Variants in TGFB2 observed in about 807,000 individuals in gnomAD.
TGFB2 encodes transforming growth factor beta 2, also known as transforming growth factor beta-2 proprotein.
A neutral mutation model predicts 42.7 loss-of-function variants in TGFB2; 13 were observed. The observed-to-expected ratio is 0.30, with a 90% CI of 0.20 to 0.48. The LOEUF (loss-of-function observed/expected upper bound fraction) is 0.48. TGFB2 is among the 20% of genes least tolerant of loss of function. TGFB2 has a pLI of 0.99. For synonymous variants in TGFB2, 193 were observed against 193.6 expected (o/e 1.00, Z 0.03); for missense variants, 390 against 517.5 (o/e 0.75, Z 2.39).
intron 1 of TGFB2, among the ~76,000 whole-genome samples, chr1:218,378,976 C>A (rs929573751): frequency 7.2e-5 from 11 of 152,138 alleles, no homozygotes; most frequent in African/African-American, 2.7e-4. Context: ...CTCAGGCCAG[C>A]TCGGTCTAGA....
intron 1 of TGFB2, among the ~76,000 whole-genome samples, chr1:218,365,907 G>A (rs1024863841): frequency 1.3e-5 from 2 of 152,206 alleles, no homozygotes; most frequent in African/African-American, 2.4e-5. Flanking sequence ...CGTGAGGCCT[G>A]TGGCGCCTCT....
intron 1 of TGFB2, among the ~76,000 whole-genome samples, chr1:218,368,375 G>A (rs900762201): frequency 1.3e-5 from 2 of 151,504 alleles, no homozygotes; most frequent in African/African-American, 4.9e-5. Flanking sequence ...AAACTCAGGT[G>A]ATCCACCCAC....
At position 218,442,533 on chromosome 1, in the gene TGFB2, T is replaced by C. The variant is rs1461195483; in HGVS notation, c.*1171T>C. On this transcript the variant is annotated 3_prime_UTR_variant, in exon 7 of 7. Coordinates refer to ENST00000366930, the MANE Select transcript of TGFB2 (RefSeq NM_003238.6). The stretch of plus-strand genomic sequence containing the variant: ...CTCACAAATGTATGTTTCTTTTAGC[T>C]GGCCAGTACTTTTGAGTAAAGCCCC... The C allele has an allele frequency of 1.3e-5, 2 of 152,166 alleles. No homozygotes were observed. The highest frequency in any genetic ancestry group is 4.8e-5 in the African/African-American group (2 of 41,466). The allele number at this position is 152,166 out of a possible 1,614,324, so 9.4% of individuals were successfully genotyped here. A position where few individuals can be genotyped will look rare whatever the true frequency, so the allele number is the denominator to read the frequency against.
At chr1:218,347,718 T>TC (rs2102528676) in intron 1 of TGFB2, among the ~76,000 whole-genome samples, 3 of 152,336 alleles carry the variant, frequency 2.0e-5, no homozygotes, top group Non-Finnish European at 4.4e-5. Context: ...CCTTTTCACT[T>TC]AACCTGGAGT....
intron 1 of TGFB2, among the ~76,000 whole-genome samples, chr1:218,351,961 G>A (rs986831360): frequency 2.0e-5 from 3 of 152,174 alleles, no homozygotes; most frequent in African/African-American, 7.2e-5. Context: ...TGACTTGTAG[G>A]CCTTCGCCCA....
chr1:218,438,060 A>G (rs1660027729), intron 6 of TGFB2, among the ~76,000 whole-genome samples: 1 of 152,200 alleles, frequency 6.6e-6, no homozygotes, highest in Admixed American at 6.5e-5. Context: ...CTACTGTGCT[A>G]TAAAACATTA....
chr1:218,410,886 A>G (rs184487770), intron 2 of TGFB2, among the ~76,000 whole-genome samples: 22 of 152,342 alleles, frequency 1.4e-4, no homozygotes, highest in African/African-American at 4.8e-4. Context: ...AATAGGAAGG[A>G]GAATTCTCTT....
intron 2 of TGFB2, among the ~76,000 whole-genome samples, chr1:218,412,199 A>G (rs1013579773): frequency 2.6e-5 from 4 of 152,344 alleles, no homozygotes; most frequent in South Asian, 2.1e-4. Flanking sequence ...ATATCTGTCT[A>G]TGAATAAACA....
intron 1 of TGFB2, among the ~76,000 whole-genome samples, chr1:218,362,832 A>G (rs1051971058): frequency 6.6e-6 from 1 of 152,220 alleles, no homozygotes; most frequent in Non-Finnish European, 1.5e-5. Flanking sequence ...GCCCCAAACC[A>G]ATATTCACTT....
chr1:218,405,480 T>A, intron 2 of TGFB2, 148 bp downstream of exon 2: 1 of 1,387,542 alleles, frequency 7.2e-7, no homozygotes, highest in Non-Finnish European at 1.0e-6. Context: ...TCCGCTTGCC[T>A]CAGCCTCCCT....
chr1:218,389,893 C>T (rs990337656), intron 1 of TGFB2, among the ~76,000 whole-genome samples: 12 of 152,106 alleles, frequency 7.9e-5, no homozygotes, highest in Non-Finnish European at 1.8e-4. Context: ...ACTGAGGCAC[C>T]CTGACATACG....
intron 3 of TGFB2, 28 bp downstream of exon 3, chr1:218,434,242 C>G (rs907110758): frequency 6.2e-7 from 1 of 1,612,634 alleles, no homozygotes; most frequent in African/African-American, 1.3e-5. Context: ...CTTTTCCTCC[C>G]AAGATGTTCA....
At chr1:218,430,692 TA>T (rs1370243265) in intron 2 of TGFB2, among the ~76,000 whole-genome samples, 2 of 152,216 alleles carry the variant, frequency 1.3e-5, no homozygotes, top group Non-Finnish European at 2.9e-5. Context: ...TGCCTATTCT[TA>T]GGAAGAAGAT....
At chr1:218,436,593 C>T (rs1659979061) in intron 5 of TGFB2, among the ~76,000 whole-genome samples, 1 of 152,214 alleles carries the variant, frequency 6.6e-6, no homozygotes, top group Non-Finnish European at 1.5e-5. Context: ...TGCCGTGTGT[C>T]ACACCTTTAG....
At chr1:218,432,401 C>T (rs929093225) in intron 2 of TGFB2, among the ~76,000 whole-genome samples, 1 of 152,144 alleles carries the variant, frequency 6.6e-6, no homozygotes, top group East Asian at 1.9e-4. Flanking sequence ...AGGGGCAGAT[C>T]TGTAGAATAA....
chr1:218,384,766 A>G (rs1451906644), intron 1 of TGFB2, among the ~76,000 whole-genome samples: 2 of 152,218 alleles, frequency 1.3e-5, no homozygotes, highest in East Asian at 3.8e-4. Context: ...TCTCACCAGA[A>G]AAGGACAGAA....
At chr1:218,371,786 CA>C (rs1657580190) in intron 1 of TGFB2, among the ~76,000 whole-genome samples, 1 of 152,218 alleles carries the variant, frequency 6.6e-6, no homozygotes, top group Non-Finnish European at 1.5e-5. Context: ...CCAGAAGGAG[CA>C]TGGCTTTCCT....
chr1:218,402,957 G>A (rs1432136118), intron 1 of TGFB2, among the ~76,000 whole-genome samples: 1 of 152,192 alleles, frequency 6.6e-6, no homozygotes, highest in Non-Finnish European at 1.5e-5. Flanking sequence ...GAGCTGGTCG[G>A]CATAGGACCA....
intron 1 of TGFB2, among the ~76,000 whole-genome samples, chr1:218,398,867 G>A (rs1397008458): frequency 6.6e-6 from 1 of 152,124 alleles, no homozygotes; most frequent in African/African-American, 2.4e-5. Context: ...TTACAGGCGT[G>A]AGCCACTGTG....
Sources: allele counts gnomAD v4.1 joint callset (sites outside exome capture counted in the v4.1 genomes callset), GRCh38; gene constraint gnomAD v4.1.1; transcripts MANE v1.5; gene names NCBI Gene and HGNC (gene_info 2026-07-23, HGNC 2026-07-21).